The following NSUN4 variants were observed in gnomAD, a reference collection of about 807,000 sequenced individuals.
NSUN4 encodes the protein NOP2/Sun RNA methyltransferase 4.
Under a neutral mutation model 43.8 loss-of-function variants are expected in NSUN4, and 31 were observed. The ratio of observed to expected loss-of-function variants is 0.71; its 90% CI spans 0.53 to 0.96. The LOEUF is 0.96. Among genes scored for constraint, NSUN4 ranks in the 40% least tolerant of loss-of-function variants. NSUN4 has a pLI of 0.00. For missense variants in NSUN4, 439 were observed against 475.6 expected (o/e 0.92, Z 0.72); for synonymous variants, 167 against 184.1 (o/e 0.91, Z 0.75).
At chr1:46,368,910 C>G (rs561001484), downstream of NSUN4, among the ~76,000 whole-genome samples, 188 of 152,272 alleles carry the variant, frequency 1.2e-3, 1 homozygote, top group African/African-American at 4.1e-3. Context: ...TTTGTTCTCT[C>G]TCCATTGCCA....
chr1:46,381,319 T>A, the NSUN4 span, among the ~76,000 whole-genome samples: 2 of 152,200 alleles, frequency 1.3e-5, no homozygotes, highest in African/African-American at 2.4e-5. Context: ...AGTGGATGTC[T>A]GTTGAATTGA....
the NSUN4 span, among the ~76,000 whole-genome samples, chr1:46,372,048 T>G: frequency 2.0e-5 from 3 of 152,110 alleles, no homozygotes; most frequent in Non-Finnish European, 4.4e-5. Context: ...CTTCTTTCCT[T>G]GTCTTGATAA....
At position 46,344,926 on chromosome 1, in the gene NSUN4, T is replaced by C; in HGVS notation, c.219T>C (p.Tyr73=). ...TCAGTCTCCTCTCAGAGCAGAAGTATGGTGCACTGGTCAATAACTTTGCTG... is the reference window on the plus strand; with the variant it reads ...TCAGTCTCCTCTCAGAGCAGAAGTACGGTGCACTGGTCAATAACTTTGCTG... ...IRVSLLSEQK[Y]GALVNNFAAW... Residue 73 remains tyrosine (Y), a synonymous_variant, in exon 2 of 6, where the codon TAT becomes TAC. Transcript: ENST00000474844. 1 of 1,614,236 alleles carries C rather than the reference T, an allele frequency of 6.2e-7. No individual in the cohort carries two copies. The highest frequency in any genetic ancestry group is 8.5e-7 in the Non-Finnish European group (1 of 1,180,030).
intron 4 of NSUN4, among the ~76,000 whole-genome samples, chr1:46,357,418 A>C (rs1663463095): frequency 6.6e-6 from 1 of 152,246 alleles, no homozygotes. Context: ...CCTGGGCTAA[A>C]GCCATCCGCC....
chr1:46,382,008 C>T, the NSUN4 span, among the ~76,000 whole-genome samples: 2 of 152,138 alleles, frequency 1.3e-5, no homozygotes, highest in Non-Finnish European at 2.9e-5. Context: ...GACTCAAGGC[C>T]CTCAGGCTGG....
chr1:46,350,219 CTTT>C (rs1166920144), intron 3 of NSUN4, among the ~76,000 whole-genome samples: 4 of 152,196 alleles, frequency 2.6e-5, no homozygotes, highest in African/African-American at 9.7e-5. Flanking sequence ...ATTTTTACTT[CTTT>C]GAGTGCCCTC....
At chr1:46,354,156 GA>G (rs1663203767) in intron 4 of NSUN4, among the ~76,000 whole-genome samples, 1 of 151,854 alleles carries the variant, frequency 6.6e-6, no homozygotes, top group Admixed American at 6.6e-5. Flanking sequence ...ACCCAGGCTG[GA>G]GTACAGTGGT....
chr1:46,340,816 A>G lies in NSUN4; in HGVS notation c.-11A>G. On this transcript the variant is annotated 5_prime_UTR_variant, in exon 1 of 6. Transcript: ENST00000474844. Reference sequence around the variant, plus strand: ...GGTTCCGGTCGGAATTACCCCGTGGAGCACGCCGATATGGCTGCGCTGACA... The same window carrying G: ...GGTTCCGGTCGGAATTACCCCGTGGGGCACGCCGATATGGCTGCGCTGACA... The G allele has an allele frequency of 6.2e-7, 1 of 1,606,766 alleles. No homozygotes were observed. Among genetic ancestry groups the G allele is most frequent in the Non-Finnish European group, 8.5e-7 (1 of 1,176,580 alleles).
At chr1:46,365,223 C>G (rs191349674), downstream of NSUN4, 1 of 152,174 alleles carries the variant, frequency 6.6e-6, no homozygotes, top group Non-Finnish European at 1.5e-5. Flanking sequence ...GACATACCAC[C>G]ATGTTGTTTA....
chr1:46,347,416 C>T (rs1245912810), intron 3 of NSUN4, among the ~76,000 whole-genome samples: 1 of 152,098 alleles, frequency 6.6e-6, no homozygotes, highest in African/African-American at 2.4e-5. Context: ...CCAGCCTTGG[C>T]GACAGAGTGA....
At chr1:46,355,753 G>A (rs923653841) in intron 4 of NSUN4, among the ~76,000 whole-genome samples, 11 of 152,126 alleles carry the variant, frequency 7.2e-5, no homozygotes, top group Non-Finnish European at 1.2e-4. Flanking sequence ...GGTGGCTAAC[G>A]ACTGTAATCC....
chr1:46,346,761 C>T (rs1031248843), intron 2 of NSUN4, among the ~76,000 whole-genome samples, 160 bp from the exon 3 acceptor site: 7 of 152,052 alleles, frequency 4.6e-5, no homozygotes, highest in African/African-American at 7.2e-5. Context: ...TTCTGGCTCC[C>T]GTATAGATGA....
chr1:46,373,733 C>G, the NSUN4 span, among the ~76,000 whole-genome samples: 1 of 152,184 alleles, frequency 6.6e-6, no homozygotes, highest in African/African-American at 2.4e-5. Context: ...AATCCACTCA[C>G]GAAGGCAGAC....
At position 46,357,716 on chromosome 1, in the gene NSUN4, C is replaced by CT. The variant is rs962341225; in HGVS notation, c.754-2978dup. On this transcript the variant is annotated intron_variant, in intron 4 of 5. Transcript: ENST00000474844. ...TTTTGGGTTGGGGAAACTCCTACAG[C>CT]TTTTTTTTTTAAAGGATTGCAGTTA... is the stretch of plus-strand genomic sequence containing the variant. Among the ~76,000 whole-genome samples the CT allele has an allele frequency of 1.4e-3, 205 of 148,046 alleles. 2 individuals carry two copies. In the East Asian group the frequency reaches 0.035, roughly 25 times the overall value.
chr1:46,343,950 G>A, intron 1 of NSUN4: 2 of 396,484 alleles, frequency 5.0e-6, no homozygotes, highest in Non-Finnish European at 8.9e-6. Flanking sequence ...AAGAAATGAG[G>A]GCCAGAGCAA....
rs753562252 is a variant in NSUN4, at chr1:46,344,832, G to C, written c.125G>C (p.Arg42Pro). 6.2e-7 allele frequency: 1 copy of C among 1,614,098 alleles called. No homozygotes were observed. The highest frequency in any genetic ancestry group is 1.7e-5 in the Admixed American group (1 of 60,018). The change falls in exon 2 of 6, where the codon CGA becomes CCA. Residue 42 changes from arginine to proline, a missense_variant. By Grantham distance (103) the Arg-to-Pro change is moderately radical. Coordinates refer to ENST00000474844, the MANE Select transcript of NSUN4 (RefSeq NM_199044.4). ...ACAGAGCCCAAATTCCCTGCTGTTC[G>C]ACTGGCTTTGCAGAATTTTGACATG... ...AATEPKFPAV[R>P]LALQNFDMTY... is the part of the protein sequence containing the mutation.
chr1:46,346,830 C>T, intron 2 of NSUN4, 91 bp from the exon 3 acceptor site: 2 of 1,036,756 alleles, frequency 1.9e-6, no homozygotes, highest in Middle Eastern at 2.2e-4. Context: ...GATTGGAGCT[C>T]AAGCCCCAGA....
intron 1 of NSUN4, chr1:46,342,036 C>A: frequency 9.6e-7 from 1 of 1,043,768 alleles, no homozygotes; most frequent in African/African-American, 1.6e-5. Context: ...CATGATTTCG[C>A]CTCCTCCTAC....
rs1374662409 is a variant in NSUN4 at position 46,344,922 on chromosome 1, A to T, written c.215A>T (p.Lys72Met). ...SIRVSLLSEQ[K>M]YGALVNNFAA... The stretch of plus-strand genomic sequence containing the variant: ...CGTGTCAGTCTCCTCTCAGAGCAGA[A>T]GTATGGTGCACTGGTCAATAACTTT... The change falls in exon 2 of 6, where the codon AAG becomes ATG. Residue 72 changes from lysine (K) to methionine (M), a missense_variant. Lys to Met is a moderately conservative substitution (Grantham distance 95). Coordinates refer to ENST00000474844, the MANE Select transcript of NSUN4 (RefSeq NM_199044.4). The T allele has an allele frequency of 6.2e-7, 1 of 1,614,104 alleles. No homozygotes were observed. Among genetic ancestry groups the T allele is most frequent in the Non-Finnish European group, 8.5e-7 (1 of 1,180,034 alleles).
Sources: gnomAD v4.1 joint callset for allele counts (sites outside exome capture counted in the v4.1 genomes callset) on GRCh38, gnomAD v4.1.1 for gene constraint, MANE v1.5 for transcripts, NCBI Gene and HGNC (gene_info 2026-07-23, HGNC 2026-07-21) for gene names.